Variants in PCDH15 observed in about 807,000 individuals in gnomAD.
PCDH15 encodes protocadherin-15.
In PCDH15, 129 loss-of-function variants were observed where a neutral mutation model predicts 178.5. That is an observed-to-expected ratio of 0.72 (90% CI 0.63 to 0.84). The LOEUF (loss-of-function observed/expected upper bound fraction) is 0.84, where lower values mean the gene tolerates loss of function less well. PCDH15 is among the 40% of genes least tolerant of loss of function. The pLI, the probability that PCDH15 is intolerant of heterozygous loss-of-function variation, is 0.00. For synonymous variants in PCDH15, 800 were observed against 732.0 expected (o/e 1.09, Z -1.50); for missense variants, 2,230 against 2,099.9 (o/e 1.06, Z -1.21).
chr10:53,825,089 A>G, intron 32 of PCDH15: 1 of 1,517,138 alleles, frequency 6.6e-7, no homozygotes, highest in Non-Finnish European at 8.8e-7. Flanking sequence ...GTTCTATTGT[A>G]TCTATTTTTC....
chr10:54,382,881 A>G (rs572404467), intron 3 of PCDH15, among the ~76,000 whole-genome samples: 1 of 152,288 alleles, frequency 6.6e-6, no homozygotes, highest in Admixed American at 6.5e-5. Flanking sequence ...ATATTGTTAT[A>G]CAATAACAGG....
At chr10:55,422,980 G>A (rs1838660069) in intron 2 of PCDH15, among the ~76,000 whole-genome samples, 1 of 151,816 alleles carries the variant, frequency 6.6e-6, no homozygotes, top group African/African-American at 2.4e-5. Flanking sequence ...CATAAAGTAT[G>A]TCCAGTATAA....
intron 2 of PCDH15, among the ~76,000 whole-genome samples, chr10:55,040,526 A>AACAAC (rs1564740618): frequency 1.5e-4 from 19 of 128,638 alleles, no homozygotes; most frequent in Admixed American, 4.6e-4. Context: ...ACAACAACAA[A>AACAAC]AACACAGGAG....
chr10:53,838,299 A>G (rs1347553603), intron 29 of PCDH15, among the ~76,000 whole-genome samples: 1 of 151,900 alleles, frequency 6.6e-6, no homozygotes, highest in Non-Finnish European at 1.5e-5. Flanking sequence ...TGATTTATAT[A>G]TATTCTGTTT....
chr10:54,389,360 C>A (rs1950268129), intron 3 of PCDH15, among the ~76,000 whole-genome samples: 1 of 152,060 alleles, frequency 6.6e-6, no homozygotes, highest in African/African-American at 2.4e-5. Context: ...TAAAATAGGG[C>A]TTCTCAATTT....
intron 3 of PCDH15, among the ~76,000 whole-genome samples, chr10:54,851,529 G>A (rs1953621410): frequency 6.6e-6 from 1 of 151,992 alleles, no homozygotes; most frequent in African/African-American, 2.4e-5. Flanking sequence ...AAGCCCTTAT[G>A]GTATGCTGAA....
intron 1 of PCDH15, among the ~76,000 whole-genome samples, chr10:54,718,276 A>G (rs951504231): frequency 6.6e-6 from 1 of 152,068 alleles, no homozygotes; most frequent in African/African-American, 2.4e-5. Context: ...ATAATAATAA[A>G]AAGAAAATGA....
chr10:55,567,725 A>C (rs959774194), intron 2 of PCDH15, among the ~76,000 whole-genome samples: 1 of 151,970 alleles, frequency 6.6e-6, no homozygotes, highest in Non-Finnish European at 1.5e-5. Flanking sequence ...AATGCAAATA[A>C]AAACTACAAT....
intron 8 of PCDH15, among the ~76,000 whole-genome samples, chr10:54,313,123 CA>C (rs1345896981): frequency 2.0e-5 from 3 of 152,020 alleles, no homozygotes; most frequent in South Asian, 4.2e-4. Flanking sequence ...AGTAATTGTT[CA>C]AAAAAATATT....
rs1358071450 is a variant in PCDH15, at chr10:54,164,339, C to A, written c.1591-11046G>T. Among the ~76,000 whole-genome samples, 3 of 152,102 alleles carry A rather than the reference C, an allele frequency of 2.0e-5. No individual in the cohort carries two copies. The East Asian group carries it at 5.8e-4, about 29-fold the overall frequency. On this transcript the variant is annotated intron_variant, in intron 13 of 37. Transcript: ENST00000644397. ...TCGTGTGATAAGGGATTTTTAAATT[C>A]ATTTATGTAGTTAGATAAAAATAAA...
intron 3 of PCDH15, among the ~76,000 whole-genome samples, chr10:54,509,854 G>T (rs1188052014): frequency 1.3e-5 from 2 of 152,142 alleles, no homozygotes; most frequent in Non-Finnish European, 2.9e-5. Flanking sequence ...TTCATCAACA[G>T]CAGAGTCTTT....
intron 27 of PCDH15, among the ~76,000 whole-genome samples, chr10:53,857,675 G>C (rs2078845672): frequency 6.6e-6 from 1 of 151,898 alleles, no homozygotes; most frequent in East Asian, 1.9e-4. Flanking sequence ...AAGAATCTGA[G>C]ATATGACTGG....
chr10:54,134,996 G>C lies in PCDH15; in HGVS notation c.1785-1989C>G, dbSNP rs539393215. Among the ~76,000 whole-genome samples, 200 of 151,510 alleles carry C rather than the reference G, an allele frequency of 1.3e-3. 1 individual carries two copies. Among genetic ancestry groups the C allele is most frequent in the African/African-American group, 4.5e-3 (186 of 41,314 alleles). On this transcript the variant is annotated intron_variant, in intron 14 of 37. Coordinates refer to ENST00000644397, the MANE Select transcript of PCDH15 (RefSeq NM_001384140.1). The stretch of plus-strand genomic sequence containing the variant: ...CCAAGGTGAGCGATCACAAGGTCAG[G>C]AGTTCAAGACCAGCATGACCAACAT...
chr10:55,037,495 G>A (rs1026627274), intron 2 of PCDH15, among the ~76,000 whole-genome samples: 1 of 152,132 alleles, frequency 6.6e-6, no homozygotes, highest in African/African-American at 2.4e-5. Context: ...GACTCCCAAA[G>A]TGTTGAGATT....
intron 1 of PCDH15, among the ~76,000 whole-genome samples, chr10:54,748,465 T>C (rs542450603): frequency 6.6e-5 from 10 of 152,164 alleles, no homozygotes; most frequent in African/African-American, 2.4e-4. Context: ...AACAAGAATC[T>C]GTTAAAATGA....
chr10:53,940,680 A>G (rs2085980248), intron 24 of PCDH15, among the ~76,000 whole-genome samples, 186 bp downstream of exon 24: 1 of 152,196 alleles, frequency 6.6e-6, no homozygotes, highest in African/African-American at 2.4e-5. Flanking sequence ...AAGGGAAAAA[A>G]TCACTTTAGC....
chr10:54,270,504 G>C (rs1049316331), intron 8 of PCDH15, among the ~76,000 whole-genome samples: 39 of 152,114 alleles, frequency 2.6e-4, no homozygotes, highest in African/African-American at 8.9e-4. Context: ...GTAAGTTGGG[G>C]GTCAAACTAT....
At chr10:54,222,216 T>G (rs2052911251) in intron 9 of PCDH15, among the ~76,000 whole-genome samples, 1 of 152,220 alleles carries the variant, frequency 6.6e-6, no homozygotes, top group African/African-American at 2.4e-5. Flanking sequence ...TCTAAATGTT[T>G]TATTAAGAAT....
chr10:54,502,550 C>T (rs370193908), intron 3 of PCDH15, among the ~76,000 whole-genome samples: 6 of 152,006 alleles, frequency 3.9e-5, no homozygotes, highest in Non-Finnish European at 7.4e-5. Context: ...AAGTTGGAAT[C>T]TGGTTTGTTG....
Sources: allele counts gnomAD v4.1 joint callset (sites outside exome capture counted in the v4.1 genomes callset), GRCh38; gene constraint gnomAD v4.1.1; transcripts MANE v1.5; gene names NCBI Gene and HGNC (gene_info 2026-07-23, HGNC 2026-07-21).